ARHGEF28: variants seen among roughly 807,000 people sequenced by gnomAD.
The protein encoded by ARHGEF28 is 190 kDa guanine nucleotide exchange factor.
ARHGEF28 carries 152 observed loss-of-function variants against 206.6 expected under a neutral mutation model. The ratio of observed to expected loss-of-function variants is 0.74; its 90% CI spans 0.64 to 0.84. ARHGEF28 has a LOEUF of 0.84. Ranked by LOEUF, ARHGEF28 falls within the 40% of genes least tolerant of loss-of-function variation. The probability of loss-of-function intolerance (pLI) is 0.00; values close to 1 mark genes in which losing one functional copy is unlikely to be tolerated. For missense variants in ARHGEF28, 2,028 were observed against 2,073.2 expected, an observed-to-expected ratio of 0.98 and a Z score of 0.42; for synonymous variants, 763 against 776.4, an observed-to-expected ratio of 0.98 and a Z score of 0.29.
chr5:73,882,545 A>T lies in ARHGEF28; in HGVS notation c.2888A>T (p.Asn963Ile). ...EFCCHHKEAVNLFKELQQNKK... is the reference protein window; with the variant it reads ...EFCCHHKEAVILFKELQQNKK... ...TGTTGCCATCATAAAGAAGCTGTTA[A>T]CCTCTTTAAAGAACTCCAGCAGAAT... is the stretch of plus-strand genomic sequence containing the variant. The change falls in exon 23 of 36, where the codon AAC becomes ATC. Residue 963 changes from asparagine (N) to isoleucine (I), a missense_variant. Asn to Ile is a moderately radical substitution (Grantham distance 149). This residue lies in a region of ARHGEF28 where 223 missense variants were observed against 289.9 expected (regional missense o/e 0.77). Transcript: ENST00000513042. 6.6e-7 allele frequency: 1 copy of T among 1,516,936 alleles called. No homozygotes were observed. Among genetic ancestry groups the T allele is most frequent in the East Asian group, 2.4e-5 (1 of 42,146 alleles). 94.0% of individuals were successfully genotyped at this position (1,516,936 alleles called of 1,614,324 possible). A position where few individuals can be genotyped will look rare whatever the true frequency, so the allele number is the denominator to read the frequency against.
chr5:73,832,511 G>A (rs938852036), intron 10 of ARHGEF28, 52 bp downstream of exon 10: 9 of 1,584,548 alleles, frequency 5.7e-6, no homozygotes, highest in African/African-American at 4.0e-5. Flanking sequence ...CCAAAACCTG[G>A]GTTTGTAAGA....
At position 73,939,190 on chromosome 5, in the gene ARHGEF28, T is replaced by A. The variant is rs994922466; in HGVS notation, c.4949-1654T>A. ...TGCATGATGTGGGTCAGAATTTCACTAGCCTGAGCCTCGGTTTCCCAGCCT... is the reference window on the plus strand; with the variant it reads ...TGCATGATGTGGGTCAGAATTTCACAAGCCTGAGCCTCGGTTTCCCAGCCT... On this transcript the variant is annotated intron_variant, in intron 35 of 35. Transcript: ENST00000513042. Among the ~76,000 whole-genome samples the A allele has an allele frequency of 4.1e-4, 62 of 152,170 alleles. 1 individual carries two copies. Among genetic ancestry groups the A allele is most frequent in the Non-Finnish European group, 1.8e-4 (12 of 68,030 alleles).
intron 1 of ARHGEF28, among the ~76,000 whole-genome samples, chr5:73,659,002 CA>C (rs1745416187): frequency 6.7e-6 from 1 of 149,848 alleles, no homozygotes; most frequent in African/African-American, 2.5e-5. Flanking sequence ...CACACACACA[CA>C]CACCACACTC....
chr5:73,870,294 T>C (rs563851231), intron 21 of ARHGEF28, 85 bp downstream of exon 21: 1 of 1,432,712 alleles, frequency 7.0e-7, no homozygotes, highest in African/African-American at 1.4e-5. Flanking sequence ...CAGAGTTGGG[T>C]AAAATCCCAG....
In ARHGEF28 at chr5:73,794,428, T is replaced by A; in HGVS notation, c.937T>A (p.Ser313Thr). The change falls in exon 8 of 36, where the codon TCA (serine) becomes ACA (threonine). Residue 313 changes from serine to threonine, a missense_variant. Coordinates refer to ENST00000513042, the MANE Select transcript of ARHGEF28 (RefSeq NM_001177693.2). ...GATTAAGAATTCAGTGTCCAGCAGA[T>A]CAGCAGCTGAAAAGGAAGATATAAA... The part of the protein sequence containing the change: ...EEIKNSVSSR[S>T]AAEKEDIKRV... 6.2e-7 allele frequency: 1 copy of A among 1,605,092 alleles called. No individual in the cohort carries two copies. The highest frequency in any genetic ancestry group is 8.5e-7 in the Non-Finnish European group (1 of 1,175,220).
intron 14 of ARHGEF28, 108 bp from the exon 15 acceptor site, chr5:73,857,548 C>T: frequency 8.6e-7 from 1 of 1,164,096 alleles, no homozygotes; most frequent in Admixed American, 3.4e-5. Context: ...AAAATACATA[C>T]ACATACATAT....
intron 9 of ARHGEF28, among the ~76,000 whole-genome samples, chr5:73,807,919 G>A (rs1186823095): frequency 6.6e-6 from 1 of 151,498 alleles, no homozygotes; most frequent in East Asian, 1.9e-4. Flanking sequence ...GTATTTTCTT[G>A]TTTTCTTATT....
rs12655300 is a variant in ARHGEF28, at chr5:73,838,617, A to G, written c.1147-1863A>G. On this transcript the variant is annotated intron_variant, in intron 10 of 35. Coordinates refer to ENST00000513042, the MANE Select transcript of ARHGEF28 (RefSeq NM_001177693.2). ...ATGGTAATATTTTACTACATTTTAC[A>G]TTGTCATTCCCTGAGTGGGTGGTTA... 9.5e-3 allele frequency among the ~76,000 whole-genome samples: 1,446 copies of G among 152,294 alleles called. 30 individuals carry two copies. The highest frequency in any genetic ancestry group is 0.029 in the East Asian group (151 of 5,188).
intron 22 of ARHGEF28, among the ~76,000 whole-genome samples, chr5:73,878,645 G>T (rs1345837705): frequency 6.7e-6 from 1 of 150,344 alleles, no homozygotes; most frequent in South Asian, 2.1e-4. Context: ...CTCAGCATTT[G>T]CTTGTCTGTA....
Position 73,701,675 on chromosome 5 carries a change from A to G in ARHGEF28, c.33+16791A>G, listed in dbSNP as rs528722127. Among the ~76,000 whole-genome samples, 6 of 151,910 alleles carry G rather than the reference A, an allele frequency of 3.9e-5. No individual in the cohort carries two copies. The South Asian group carries it at 1.2e-3, about 32-fold the overall frequency. ...TGTTCTTGATCTCTATAATTTTGTCATTTCAAGAATGTTATATATGTGTGA... is the reference window on the plus strand; with the variant it reads ...TGTTCTTGATCTCTATAATTTTGTCGTTTCAAGAATGTTATATATGTGTGA... On this transcript the variant is annotated intron_variant, in intron 2 of 35. Coordinates refer to ENST00000513042, the MANE Select transcript of ARHGEF28 (RefSeq NM_001177693.2).
intron 7 of ARHGEF28, among the ~76,000 whole-genome samples, chr5:73,788,865 G>A (rs1421724265): frequency 1.3e-5 from 2 of 152,062 alleles, no homozygotes; most frequent in Non-Finnish European, 2.9e-5. Context: ...CCAAATTTTG[G>A]GGCTGAGGAT....
intron 7 of ARHGEF28, among the ~76,000 whole-genome samples, chr5:73,785,468 C>T (rs560358993): frequency 2.4e-4 from 37 of 152,224 alleles, no homozygotes; most frequent in Non-Finnish European, 4.1e-4. Context: ...TCCAGTAATG[C>T]GCACACCAGA....
chr5:73,794,517 A>G, intron 8 of ARHGEF28, 63 bp downstream of exon 8: 2 of 1,333,358 alleles, frequency 1.5e-6, no homozygotes, highest in South Asian at 2.7e-5. Context: ...ATGAAGATTT[A>G]GTGGTAATAA....
rs1305343258 is a variant in ARHGEF28, at chr5:73,776,660, C to A, written c.804C>A (p.Phe268Leu). 7.4e-6 allele frequency: 12 copies of A among 1,613,498 alleles called. No homozygotes were observed. In the Admixed American group the frequency reaches 2.0e-4, roughly 27 times the overall value. ...EHLLEADIKL[F>L]RKYFWDRAFL... ...TGTTGGAGGCAGATATTAAACTCTTCCGGAAATACTTTTGGGATAGAGCCT... is the reference window on the plus strand; with the variant it reads ...TGTTGGAGGCAGATATTAAACTCTTACGGAAATACTTTTGGGATAGAGCCT... Residue 268 changes from phenylalanine to leucine, a missense_variant, in exon 6 of 36, where the codon TTC becomes TTA. Physicochemically the swap from Phe to Leu is conservative, Grantham distance 22. This residue lies in a region of ARHGEF28 where 1,002 missense variants were observed against 1,015.3 expected (regional missense o/e 0.99). Coordinates refer to ENST00000513042, the MANE Select transcript of ARHGEF28 (RefSeq NM_001177693.2).
At chr5:73,858,311 C>T (rs1449982567) in intron 16 of ARHGEF28, 92 bp downstream of exon 16, 7 of 1,434,384 alleles carry the variant, frequency 4.9e-6, no homozygotes, top group Non-Finnish European at 6.5e-6. Flanking sequence ...TTTACATAAA[C>T]CTTTTCAGTG....
chr5:73,657,668 T>A (rs1050389713), intron 1 of ARHGEF28, among the ~76,000 whole-genome samples: 14 of 152,164 alleles, frequency 9.2e-5, no homozygotes, highest in Non-Finnish European at 2.1e-4. Flanking sequence ...ATGGAACCAT[T>A]TTATATGTTA....
At chr5:73,776,126 C>T (rs1200016275) in intron 5 of ARHGEF28, among the ~76,000 whole-genome samples, 1 of 152,188 alleles carries the variant, frequency 6.6e-6, no homozygotes, top group African/African-American at 2.4e-5. Context: ...CCACAGTAAT[C>T]ACCTAATAAA....
intron 30 of ARHGEF28, chr5:73,899,206 G>A (rs796742381): frequency 6.6e-6 from 1 of 152,184 alleles, no homozygotes; most frequent in African/African-American, 2.4e-5. Context: ...TACTGCCCTG[G>A]GTGATTTCCT....
At chr5:73,897,018 C>G (rs192003818) in intron 29 of ARHGEF28, among the ~76,000 whole-genome samples, 1 of 152,168 alleles carries the variant, frequency 6.6e-6, no homozygotes, top group Non-Finnish European at 1.5e-5. Flanking sequence ...AGTTATCTTC[C>G]GACAAAAAGC....
Sources: allele counts gnomAD v4.1 joint callset (sites outside exome capture counted in the v4.1 genomes callset), GRCh38; gene constraint gnomAD v4.1.1; regional missense constraint gnomAD v4.1.1; transcripts MANE v1.5; gene names NCBI Gene and HGNC (gene_info 2026-07-23, HGNC 2026-07-21).